The following BANF2 variants were observed in gnomAD, a reference collection of about 807,000 sequenced individuals.
BANF2 encodes BANF family member 2.
BANF2 carries 4 observed loss-of-function variants against 8.0 expected under a neutral mutation model. The observed-to-expected ratio is 0.50, with a 90% CI of 0.25 to 1.14. The LOEUF (loss-of-function observed/expected upper bound fraction) is 1.14, where lower values mean the gene tolerates loss of function less well. BANF2 is among the 50% of genes most tolerant of loss of function. The pLI is 0.16. For synonymous variants in BANF2, 50 were observed against 40.6 expected (o/e 1.23, Z -0.88); for missense variants, 96 against 107.5 (o/e 0.89, Z 0.47).
chr20:17,706,186 G>T (rs950897198), intron 1 of BANF2, among the ~76,000 whole-genome samples: 2 of 152,216 alleles, frequency 1.3e-5, no homozygotes, highest in South Asian at 2.1e-4. Context: ...AAGGGTGAAG[G>T]TTCCTAGAGC....
At chr20:17,693,806 G>T (rs6080781) in intron 1 of BANF2, 7 of 1,388,950 alleles carry the variant, frequency 5.0e-6, no homozygotes, top group Non-Finnish European at 7.0e-6. Context: ...TGTGTCCAGT[G>T]GGAGGAGGTG....
At chr20:17,711,783 T>C (rs1325722617) in intron 1 of BANF2, among the ~76,000 whole-genome samples, 1 of 152,158 alleles carries the variant, frequency 6.6e-6, no homozygotes, top group African/African-American at 2.4e-5. Context: ...CAACCACGCA[T>C]TGAGGTTCCC....
chr20:17,716,760 G>C (rs1242247647), intron 1 of BANF2, among the ~76,000 whole-genome samples: 16 of 141,044 alleles, frequency 1.1e-4, no homozygotes, highest in African/African-American at 4.2e-4. Flanking sequence ...AGAATCTCTT[G>C]AGCCCAGGAG....
At chr20:17,704,871 G>T (rs1160642416) in intron 1 of BANF2, among the ~76,000 whole-genome samples, 2 of 152,160 alleles carry the variant, frequency 1.3e-5, no homozygotes, top group Admixed American at 6.5e-5. Flanking sequence ...GCTCTGACAG[G>T]ATCCCCCACA....
intron 3 of BANF2, among the ~76,000 whole-genome samples, chr20:17,730,948 G>C (rs1206458012): frequency 6.6e-6 from 1 of 152,210 alleles, no homozygotes; most frequent in African/African-American, 2.4e-5. Context: ...GGAAGAAGGG[G>C]TAAACATTCC....
intron 3 of BANF2, among the ~76,000 whole-genome samples, chr20:17,730,279 A>T (rs1451364434): frequency 5.9e-5 from 9 of 152,216 alleles, no homozygotes; most frequent in Non-Finnish European, 4.4e-5. Flanking sequence ...ATTGCTCAAG[A>T]TCACATGGGG....
chr20:17,698,350 A>G (rs1441541562), upstream of BANF2, among the ~76,000 whole-genome samples: 3 of 152,244 alleles, frequency 2.0e-5, no homozygotes, highest in Admixed American at 6.5e-5. Context: ...GAAGCAAAGC[A>G]GGTGCTGGCA....
At chr20:17,707,836 A>C (rs13045275) in intron 1 of BANF2, among the ~76,000 whole-genome samples, 1 of 151,796 alleles carries the variant, frequency 6.6e-6, no homozygotes, top group Non-Finnish European at 1.5e-5. Context: ...CACCTTGGCC[A>C]CCCAAAGTGC....
intron 1 of BANF2, among the ~76,000 whole-genome samples, chr20:17,718,046 TAAC>T (rs1255673110): frequency 6.6e-6 from 1 of 152,224 alleles, no homozygotes; most frequent in Non-Finnish European, 1.5e-5. Flanking sequence ...ACAATTGAAA[TAAC>T]ATATTACATA....
At chr20:17,700,847 C>T (rs941951838) in intron 1 of BANF2, among the ~76,000 whole-genome samples, 11 of 152,200 alleles carry the variant, frequency 7.2e-5, no homozygotes, top group African/African-American at 2.7e-4. Flanking sequence ...GCTGCCTTCC[C>T]TACCATGGCC....
intron 1 of BANF2, among the ~76,000 whole-genome samples, chr20:17,702,957 G>A (rs976413339): frequency 2.6e-5 from 4 of 152,292 alleles, no homozygotes; most frequent in African/African-American, 9.6e-5. Context: ...GTGGCTGGTG[G>A]CGGTGTGCTA....
chr20:17,725,281 T>C, intron 3 of BANF2, 130 bp downstream of exon 3: 1 of 1,188,588 alleles, frequency 8.4e-7, no homozygotes, highest in Non-Finnish European at 1.2e-6. Flanking sequence ...CTTGGCGGGG[T>C]GCCACATGCT....
intron 3 of BANF2, among the ~76,000 whole-genome samples, chr20:17,733,550 C>T (rs1187963116): frequency 3.9e-5 from 6 of 152,074 alleles, no homozygotes; most frequent in African/African-American, 1.5e-4. Context: ...TTTCTGTTAC[C>T]TTCACCTTGG....
chr20:17,723,550 C>A (rs1247533336), intron 2 of BANF2, among the ~76,000 whole-genome samples: 1 of 152,200 alleles, frequency 6.6e-6, no homozygotes, highest in African/African-American at 2.4e-5. Flanking sequence ...AACTGATTTA[C>A]ACTGAGTTTT....
intron 3 of BANF2, among the ~76,000 whole-genome samples, chr20:17,725,705 T>A (rs2037799046): frequency 6.6e-6 from 1 of 152,224 alleles, no homozygotes; most frequent in Non-Finnish European, 1.5e-5. Flanking sequence ...TTTAAAAAGC[T>A]GCTTAGGGCC....
At chr20:17,724,043 CA>C (rs2037768098) in intron 2 of BANF2, among the ~76,000 whole-genome samples, 1 of 152,078 alleles carries the variant, frequency 6.6e-6, no homozygotes, top group East Asian at 1.9e-4. Flanking sequence ...CCTCATTTAA[CA>C]AAATGGCCGG....
At chr20:17,704,910 G>A (rs1404288656) in intron 1 of BANF2, among the ~76,000 whole-genome samples, 1 of 152,146 alleles carries the variant, frequency 6.6e-6, no homozygotes, top group African/African-American at 2.4e-5. Flanking sequence ...CACTCACTTA[G>A]CAACCCCAGC....
At chr20:17,704,912 A>G (rs1305356322) in intron 1 of BANF2, among the ~76,000 whole-genome samples, 2 of 152,168 alleles carry the variant, frequency 1.3e-5, no homozygotes, top group Non-Finnish European at 2.9e-5. Context: ...CTCACTTAGC[A>G]ACCCCAGCAA....
upstream of BANF2, among the ~76,000 whole-genome samples, chr20:17,698,847 C>A (rs1248217003): frequency 6.6e-6 from 1 of 152,236 alleles, no homozygotes; most frequent in Non-Finnish European, 1.5e-5. Flanking sequence ...GCTCAGCCAG[C>A]TTTGGCCCCA....
Sources: allele counts gnomAD v4.1 joint callset (sites outside exome capture counted in the v4.1 genomes callset), GRCh38; gene constraint gnomAD v4.1.1; transcripts MANE v1.5; gene names NCBI Gene and HGNC (gene_info 2026-07-23, HGNC 2026-07-21).